RORA: variants seen among roughly 807,000 people sequenced by gnomAD.
RORA encodes nuclear receptor ROR-alpha.
RORA carries 7 observed loss-of-function variants against 69.5 expected under a neutral mutation model. The ratio of observed to expected loss-of-function variants is 0.10; its 90% CI spans 0.06 to 0.19. RORA has a LOEUF of 0.19. RORA is among the 10% of genes least tolerant of loss of function. The probability of loss-of-function intolerance (pLI) is 1.00; values close to 1 mark genes in which losing one functional copy is unlikely to be tolerated. For synonymous variants in RORA, 261 were observed against 240.8 expected (o/e 1.08, Z -0.78); for missense variants, 457 against 663.0 (o/e 0.69, Z 3.41).
Position 61,131,227 on chromosome 15 carries a change from G to A in RORA, c.166+97826C>T, listed in dbSNP as rs2079187339. 1.3e-5 allele frequency among the ~76,000 whole-genome samples: 2 copies of A among 152,358 alleles called. No individual in the cohort carries two copies. Among genetic ancestry groups the A allele is most frequent in the Non-Finnish European group, 2.9e-5 (2 of 68,038 alleles). On this transcript the variant is annotated intron_variant, in intron 1 of 10. Transcript: ENST00000335670. The surrounding 1 kb of genome is among the most constrained non-coding windows in gnomAD (Gnocchi z 4.2). Reference sequence around the variant, plus strand: ...ACCATGTGCTTTTACCAGGATCTATGTCACTAACTCTCTAGGTGGCCTCAT... The same window carrying A: ...ACCATGTGCTTTTACCAGGATCTATATCACTAACTCTCTAGGTGGCCTCAT...
chr15:60,850,911 CT>C, intron 1 of RORA, among the ~76,000 whole-genome samples: 1 of 152,322 alleles, frequency 6.6e-6, no homozygotes, highest in Non-Finnish European at 1.5e-5. Flanking sequence ...AACAAGACTG[CT>C]TTCTGAAAAG....
chr15:60,495,078 T>C lies in RORA; in HGVS notation c.*2377A>G, dbSNP rs2065133269. On this transcript the variant is annotated 3_prime_UTR_variant, in exon 11 of 11. Coordinates refer to ENST00000335670, the MANE Select transcript of RORA (RefSeq NM_134261.3). Reference sequence around the variant, plus strand: ...CATCCCCAAATTTAGTGAATCTGAATGACAAAAAAACAAAACAAAACCAAA... The same window carrying C: ...CATCCCCAAATTTAGTGAATCTGAACGACAAAAAAACAAAACAAAACCAAA... 6.6e-6 allele frequency: 1 copy of C among 151,718 alleles called. No individual in the cohort carries two copies. The highest frequency in any genetic ancestry group is 2.1e-4 in the South Asian group (1 of 4,814). The allele number at this position is 151,718 out of a possible 1,614,324, so 9.4% of individuals were successfully genotyped here. A position where few individuals can be genotyped will look rare whatever the true frequency, so the allele number is the denominator to read the frequency against.
chr15:60,800,270 G>A (rs1404305761), intron 1 of RORA, among the ~76,000 whole-genome samples: 1 of 152,148 alleles, frequency 6.6e-6, no homozygotes, highest in Non-Finnish European at 1.5e-5. Flanking sequence ...ATGACACGCT[G>A]TTCCACTTAA....
intron 1 of RORA, among the ~76,000 whole-genome samples, chr15:60,720,777 A>G (rs2071283570): frequency 6.6e-6 from 1 of 152,218 alleles, no homozygotes; most frequent in African/African-American, 2.4e-5. Flanking sequence ...AACACTCTCT[A>G]TTGCCCGTAA....
At chr15:60,634,447 C>G (rs927657311) in intron 2 of RORA, among the ~76,000 whole-genome samples, 1 of 151,242 alleles carries the variant, frequency 6.6e-6, no homozygotes, top group Non-Finnish European at 1.5e-5. Flanking sequence ...GCTCTGTTGC[C>G]AGGCTGGAGC....
intron 1 of RORA, among the ~76,000 whole-genome samples, chr15:60,849,883 A>G (rs1041034767): frequency 2.6e-5 from 4 of 152,138 alleles, no homozygotes; most frequent in Admixed American, 2.6e-4. Flanking sequence ...CAAAGGGAAG[A>G]ATCTCTTCAG....
At chr15:61,041,630 C>G (rs1213959796) in intron 1 of RORA, among the ~76,000 whole-genome samples, 3 of 152,158 alleles carry the variant, frequency 2.0e-5, no homozygotes, top group Non-Finnish European at 4.4e-5. Context: ...ACAATCATAG[C>G]TCACTGCAGC....
chr15:60,802,362 A>C (rs1284614514), intron 1 of RORA, among the ~76,000 whole-genome samples: 1 of 152,170 alleles, frequency 6.6e-6, no homozygotes, highest in African/African-American at 2.4e-5. Flanking sequence ...GTATTTTGTC[A>C]TTATTTCTAG....
rs74017820 is a variant in RORA at position 60,876,324 on chromosome 15, G to T, written c.167-197638C>A. On this transcript the variant is annotated intron_variant, in intron 1 of 10. Transcript: ENST00000335670. Reference sequence around the variant, plus strand: ...TCTTACAGGAAGTGGGGGGGGGGGGGGGCGGCTAGGAGACCACCACACTTG... The same window carrying T: ...TCTTACAGGAAGTGGGGGGGGGGGGTGGCGGCTAGGAGACCACCACACTTG... 5.5e-3 allele frequency among the ~76,000 whole-genome samples: 779 copies of T among 142,630 alleles called. 9 individuals carry two copies. Among genetic ancestry groups the T allele is most frequent in the African/African-American group, 0.019 (745 of 38,502 alleles). 93.6% of individuals were successfully genotyped at this position (142,630 alleles called of 152,430 possible).
chr15:60,779,610 T>A (rs1356063045), intron 1 of RORA, among the ~76,000 whole-genome samples: 1 of 152,226 alleles, frequency 6.6e-6, no homozygotes, highest in Non-Finnish European at 1.5e-5. Flanking sequence ...TCTTGCAGCC[T>A]TTCACTATAT....
chr15:60,866,820 T>TTATC (rs535434841), intron 1 of RORA, among the ~76,000 whole-genome samples: 9,595 of 146,698 alleles, frequency 0.065, 337 homozygotes, highest in Non-Finnish European at 0.074. Flanking sequence ...TATCTTATCT[T>TTATC]TATCTATCTA....
intron 1 of RORA, among the ~76,000 whole-genome samples, chr15:60,931,494 T>C (rs1309331303): frequency 6.6e-6 from 1 of 152,234 alleles, no homozygotes; most frequent in African/African-American, 2.4e-5. Context: ...ACTCCTGCAG[T>C]CTTTCAAGTC....
Position 60,488,480 on chromosome 15 carries a change from T to C in RORA, c.*8975A>G, listed in dbSNP as rs1037964032. 5 of 152,202 alleles carry C rather than the reference T, an allele frequency of 3.3e-5. No individual in the cohort carries two copies. The highest frequency in any genetic ancestry group is 7.3e-5 in the Non-Finnish European group (5 of 68,036). The allele number at this position is 152,202 out of a possible 1,614,324, so 9.4% of individuals were successfully genotyped here. A position where few individuals can be genotyped will look rare whatever the true frequency, so the allele number is the denominator to read the frequency against. ...ATTAAATCTCTCTTTTTTGTACAGC[T>C]TGTATTTACAAAATGAATCAAAATA... is the stretch of plus-strand genomic sequence containing the variant. On this transcript the variant is annotated 3_prime_UTR_variant, in exon 11 of 11. Coordinates refer to ENST00000335670, the MANE Select transcript of RORA (RefSeq NM_134261.3).
At chr15:61,136,709 C>T (rs2079243486) in intron 1 of RORA, among the ~76,000 whole-genome samples, 1 of 152,152 alleles carries the variant, frequency 6.6e-6, no homozygotes, top group Admixed American at 6.5e-5. Context: ...CATGAACCAA[C>T]TCAAGGCTTG....
chr15:60,615,170 C>G (rs2069202645), intron 2 of RORA: 1 of 996,472 alleles, frequency 1.0e-6, no homozygotes, highest in African/African-American at 1.6e-5. Flanking sequence ...TGCTAGTGCA[C>G]TTGGCAGAGC....
chr15:60,666,511 A>T (rs2070384483), intron 2 of RORA, among the ~76,000 whole-genome samples: 2 of 151,962 alleles, frequency 1.3e-5, no homozygotes, highest in African/African-American at 4.8e-5. Flanking sequence ...ATCTAGTAGG[A>T]CAAAGCTACA....
At chr15:60,751,133 T>C (rs1369479542) in intron 1 of RORA, among the ~76,000 whole-genome samples, 2 of 152,172 alleles carry the variant, frequency 1.3e-5, no homozygotes, top group Non-Finnish European at 2.9e-5. Context: ...CTAAGGAGTA[T>C]GTCTCCTAAG....
intron 1 of RORA, among the ~76,000 whole-genome samples, chr15:60,950,554 CAG>C (rs1264167797): frequency 2.8e-5 from 4 of 141,906 alleles, no homozygotes; most frequent in Admixed American, 7.3e-5. Flanking sequence ...ACCTCATGTG[CAG>C]AGACACACAT....
chr15:60,650,166 C>T (rs1455930116), intron 2 of RORA, among the ~76,000 whole-genome samples: 1 of 151,916 alleles, frequency 6.6e-6, no homozygotes, highest in Non-Finnish European at 1.5e-5. Context: ...AAAGCATTTT[C>T]CTTTTAAACA....
Sources: gnomAD v4.1 joint callset for allele counts (sites outside exome capture counted in the v4.1 genomes callset) on GRCh38, gnomAD v4.1.1 for gene constraint, Gnocchi (gnomAD v3.1) non-coding constraint, MANE v1.5 for transcripts, NCBI Gene and HGNC (gene_info 2026-07-23, HGNC 2026-07-21) for gene names.